The following ERI3 variants were observed in gnomAD, a reference collection of about 807,000 sequenced individuals.
ERI3 encodes the protein ERI1 exoribonuclease family member 3.
In ERI3, 18 loss-of-function variants were observed where a neutral mutation model predicts 44.4. The ratio of observed to expected loss-of-function variants is 0.41; its 90% CI spans 0.28 to 0.60. ERI3 has a LOEUF of 0.60. ERI3 is among the 20% of genes least tolerant of loss of function. The pLI, the probability that ERI3 is intolerant of heterozygous loss-of-function variation, is 0.36. For missense variants in ERI3, 294 were observed against 435.5 expected, an observed-to-expected ratio of 0.68 and a Z score of 2.89; for synonymous variants, 183 against 164.8, an observed-to-expected ratio of 1.11 and a Z score of -0.84.
chr1:44,295,175 T>C (rs1432869389), intron 6 of ERI3, among the ~76,000 whole-genome samples: 1 of 152,130 alleles, frequency 6.6e-6, no homozygotes, highest in Non-Finnish European at 1.5e-5. Flanking sequence ...ATCAGGCTAC[T>C]TCATGGACTG....
rs1644050828 is a variant in ERI3, at chr1:44,226,778, A to ACACAC, written c.932-5139_932-5138insGTGTG. ...TTGCTTCTCTATCTCAGCATTATTAAACACACACACACACACACACACACA... is the reference window on the plus strand; with the variant it reads ...TTGCTTCTCTATCTCAGCATTATTAACACACACACACACACACACACACACACACA... On this transcript the variant is annotated intron_variant, in intron 8 of 8. Transcript: ENST00000372257. 2.8e-5 allele frequency among the ~76,000 whole-genome samples: 4 copies of ACACAC among 143,374 alleles called. No homozygotes were observed. The East Asian group carries it at 6.1e-4, about 22-fold the overall frequency. 94.1% of individuals were successfully genotyped at this position (143,374 alleles called of 152,430 possible). A position where few individuals can be genotyped will look rare whatever the true frequency, so the allele number is the denominator to read the frequency against.
chr1:44,304,186 G>A (rs543790906), intron 6 of ERI3, among the ~76,000 whole-genome samples: 5 of 152,268 alleles, frequency 3.3e-5, no homozygotes, highest in South Asian at 4.2e-4. Context: ...CAGGTGTGGC[G>A]TTTAGGTGGC....
chr1:44,348,502 G>A (rs941170465), intron 2 of ERI3, among the ~76,000 whole-genome samples: 1 of 152,222 alleles, frequency 6.6e-6, no homozygotes, highest in Non-Finnish European at 1.5e-5. Flanking sequence ...GATTTTACCT[G>A]TAGCTGTGGG....
intron 3 of ERI3, among the ~76,000 whole-genome samples, chr1:44,322,003 A>G (rs1355000770): frequency 2.6e-5 from 4 of 152,230 alleles, no homozygotes; most frequent in African/African-American, 7.2e-5. Flanking sequence ...AATATCTATC[A>G]AACATTAATA....
intron 7 of ERI3, among the ~76,000 whole-genome samples, chr1:44,278,628 G>T (rs573787514): frequency 6.6e-6 from 1 of 151,988 alleles, no homozygotes; most frequent in South Asian, 2.1e-4. Context: ...ATGGAGTCTC[G>T]CTCCGTTGCC....
intron 3 of ERI3, among the ~76,000 whole-genome samples, chr1:44,334,967 A>G (rs1646502973): frequency 6.6e-6 from 1 of 152,148 alleles, no homozygotes; most frequent in African/African-American, 2.4e-5. Flanking sequence ...ATGGCCTAAA[A>G]CTGTTTCTGC....
chr1:44,336,268 G>A (rs1310922949), intron 3 of ERI3, among the ~76,000 whole-genome samples: 7 of 152,074 alleles, frequency 4.6e-5, no homozygotes, highest in South Asian at 2.1e-4. Flanking sequence ...TCTCCAATCC[G>A]TCTTCTTGGC....
chr1:44,257,216 A>G lies in ERI3; in HGVS notation c.832-9178T>C, dbSNP rs137884797. On this transcript the variant is annotated intron_variant, in intron 7 of 8. Transcript: ENST00000372257. ...TAAATCCATGGTAATCATATCAGGG[A>G]TTTTTTTTAATCGTGCACTAATCGC... Among the ~76,000 whole-genome samples the G allele has an allele frequency of 7.1e-3, 1,077 of 152,136 alleles. 7 individuals carry two copies. The highest frequency in any genetic ancestry group is 0.011 in the Non-Finnish European group (760 of 67,976).
chr1:44,267,257 T>C (rs1399641746), intron 7 of ERI3, among the ~76,000 whole-genome samples: 2 of 152,162 alleles, frequency 1.3e-5, no homozygotes, highest in East Asian at 3.9e-4. Context: ...GGGGAAGATC[T>C]GGGGCTTATT....
rs372090718 is a variant in ERI3, at chr1:44,339,340, T to TAAAAAAAA, written c.212-26_212-19dup. On this transcript the variant is annotated intron_variant, in intron 2 of 8. Coordinates refer to ENST00000372257, the MANE Select transcript of ERI3 (RefSeq NM_024066.3). ...ATCTAAAACTTAGGGGAGGAAAGTTTAAAAAAAAAAAAAAAAAAGAAAAGA... is the reference window on the plus strand; with the variant it reads ...ATCTAAAACTTAGGGGAGGAAAGTTTAAAAAAAAAAAAAAAAAAAAAAAAAAGAAAAGA... The TAAAAAAAA allele has an allele frequency of 2.0e-6, 2 of 976,768 alleles. No individual in the cohort carries two copies. The highest frequency in any genetic ancestry group is 1.3e-6 in the Non-Finnish European group (1 of 776,634). The allele number at this position is 976,768 out of a possible 1,614,324, so 60.5% of individuals were successfully genotyped here.
At chr1:44,343,802 T>C (rs999117816) in intron 2 of ERI3, among the ~76,000 whole-genome samples, 3 of 152,166 alleles carry the variant, frequency 2.0e-5, no homozygotes, top group East Asian at 1.9e-4. Context: ...TCCTTGTTTA[T>C]AGGAAATGCA....
intron 7 of ERI3, among the ~76,000 whole-genome samples, chr1:44,248,694 T>TGA (rs932091619): frequency 9.4e-5 from 12 of 127,546 alleles, no homozygotes; most frequent in South Asian, 2.3e-4. Context: ...TGTATGTGTG[T>TGA]GAGAGAGAGT....
chr1:44,296,039 G>C (rs72891772), intron 6 of ERI3, among the ~76,000 whole-genome samples: 1 of 152,072 alleles, frequency 6.6e-6, no homozygotes, highest in Non-Finnish European at 1.5e-5. Flanking sequence ...AGGAAGGCAA[G>C]GGACTGTGCT....
intron 6 of ERI3, among the ~76,000 whole-genome samples, chr1:44,302,482 G>A (rs1645747420): frequency 6.6e-6 from 1 of 152,220 alleles, no homozygotes; most frequent in African/African-American, 2.4e-5. Flanking sequence ...GATGCCCCAT[G>A]TGCTTCCAAA....
At chr1:44,312,110 C>T (rs763421204) in intron 5 of ERI3, among the ~76,000 whole-genome samples, 2 of 152,040 alleles carry the variant, frequency 1.3e-5, no homozygotes, top group Non-Finnish European at 2.9e-5. Flanking sequence ...GGGGGCCCCA[C>T]GAAATTCAAT....
intron 8 of ERI3, among the ~76,000 whole-genome samples, chr1:44,231,288 C>CT (rs553418969): frequency 2.6e-5 from 4 of 151,592 alleles, no homozygotes; most frequent in Non-Finnish European, 5.9e-5. Flanking sequence ...TGTCTGTATA[C>CT]TTTTTTTTTC....
At chr1:44,298,882 G>A (rs886473431) in intron 6 of ERI3, among the ~76,000 whole-genome samples, 2 of 152,200 alleles carry the variant, frequency 1.3e-5, no homozygotes, top group African/African-American at 4.8e-5. Context: ...TCATAGCACT[G>A]AACTCTAGCC....
chr1:44,298,346 T>C (rs905890737), intron 6 of ERI3, among the ~76,000 whole-genome samples: 3 of 152,094 alleles, frequency 2.0e-5, no homozygotes, highest in African/African-American at 4.8e-5. Context: ...GAAGACCACA[T>C]GGCCAAAGGA....
At chr1:44,293,385 G>A (rs994680700) in intron 6 of ERI3, among the ~76,000 whole-genome samples, 1 of 152,216 alleles carries the variant, frequency 6.6e-6, no homozygotes, top group South Asian at 2.1e-4. Flanking sequence ...GCCTTGTTGA[G>A]AGGACTAGGA....
Sources: gnomAD v4.1 joint callset for allele counts (sites outside exome capture counted in the v4.1 genomes callset) on GRCh38, gnomAD v4.1.1 for gene constraint, MANE v1.5 for transcripts, NCBI Gene and HGNC (gene_info 2026-07-23, HGNC 2026-07-21) for gene names.